The following LINGO2 variants were observed in gnomAD, a reference collection of about 807,000 sequenced individuals.
The protein encoded by LINGO2 is leucine-rich repeat and immunoglobulin-like domain-containing nogo receptor-interacting protein 2.
Under a neutral mutation model 30.6 loss-of-function variants are expected in LINGO2, and 14 were observed. The ratio of observed to expected loss-of-function variants is 0.46; its 90% CI spans 0.30 to 0.72. The LOEUF is 0.72. Ranked by LOEUF, LINGO2 falls within the 30% of genes least tolerant of loss-of-function variation. The probability of loss-of-function intolerance (pLI) is 0.07; values close to 1 mark genes in which losing one functional copy is unlikely to be tolerated. For synonymous variants in LINGO2, 317 were observed against 288.5 expected (o/e 1.10, Z -1.00); for missense variants, 729 against 751.7 (o/e 0.97, Z 0.35).
At chr9:28,133,829 G>A (rs1266312525) in intron 4 of LINGO2, among the ~76,000 whole-genome samples, 1 of 152,074 alleles carries the variant, frequency 6.6e-6, no homozygotes, top group African/African-American at 2.4e-5. Flanking sequence ...CTCCAAATCT[G>A]ATTTCCTCCA....
the LINGO2 span, among the ~76,000 whole-genome samples, chr9:28,966,743 T>C: frequency 6.6e-6 from 1 of 152,230 alleles, no homozygotes; most frequent in East Asian, 1.9e-4. Context: ...ATGTATTCCA[T>C]AAAAGTAATG....
At chr9:28,380,988 G>A (rs1230459350) in intron 2 of LINGO2, among the ~76,000 whole-genome samples, 3 of 152,002 alleles carry the variant, frequency 2.0e-5, no homozygotes, top group Non-Finnish European at 4.4e-5. Flanking sequence ...CAGGTCAGGA[G>A]CTTCCTCTAC....
intron 1 of LINGO2, among the ~76,000 whole-genome samples, chr9:28,610,133 T>G (rs1825855790): frequency 6.6e-6 from 1 of 152,162 alleles, no homozygotes; most frequent in Non-Finnish European, 1.5e-5. Flanking sequence ...TCCAATAGTT[T>G]GAATTTTTTT....
chr9:29,076,410 T>G, the LINGO2 span, among the ~76,000 whole-genome samples: 2 of 151,442 alleles, frequency 1.3e-5, no homozygotes, highest in African/African-American at 2.4e-5. Flanking sequence ...ATAAACTCTC[T>G]TTACCAATAT....
the LINGO2 span, among the ~76,000 whole-genome samples, chr9:28,730,691 G>T: frequency 1.3e-5 from 2 of 152,058 alleles, no homozygotes; most frequent in African/African-American, 2.4e-5. Flanking sequence ...TGTATAAAAA[G>T]AAGTTTTATA....
At chr9:28,869,385 C>T in the LINGO2 span, among the ~76,000 whole-genome samples, 2 of 151,936 alleles carry the variant, frequency 1.3e-5, no homozygotes, top group Middle Eastern at 3.2e-3. Flanking sequence ...CGAAGCCTGA[C>T]TTCTATAGAG....
intron 3 of LINGO2, among the ~76,000 whole-genome samples, chr9:28,307,748 C>A (rs1267299979): frequency 1.3e-5 from 2 of 152,132 alleles, no homozygotes; most frequent in Non-Finnish European, 2.9e-5. Flanking sequence ...GATACAAAAT[C>A]AATGTACAAA....
At chr9:28,494,756 T>C (rs1383539496) in intron 1 of LINGO2, among the ~76,000 whole-genome samples, 2 of 152,218 alleles carry the variant, frequency 1.3e-5, no homozygotes, top group Non-Finnish European at 2.9e-5. Flanking sequence ...CTGGGTCAAA[T>C]AGTATTTCTA....
chr9:28,552,381 T>C (rs1164142002), intron 1 of LINGO2, among the ~76,000 whole-genome samples: 1 of 152,104 alleles, frequency 6.6e-6, no homozygotes, highest in Non-Finnish European at 1.5e-5. Context: ...CTTTGTTGCA[T>C]ACTTAGCCAT....
chr9:28,379,801 T>C (rs1285404202), intron 2 of LINGO2, among the ~76,000 whole-genome samples: 6 of 152,072 alleles, frequency 3.9e-5, no homozygotes, highest in African/African-American at 1.2e-4. Flanking sequence ...GGACACAATC[T>C]GGGAGGAAGG....
chr9:28,686,257 C>T, the LINGO2 span, among the ~76,000 whole-genome samples: 4 of 151,914 alleles, frequency 2.6e-5, no homozygotes, highest in Non-Finnish European at 5.9e-5. Context: ...AATGCAAATG[C>T]TTGACCAGAT....
At chr9:28,662,025 A>G (rs1364094536) in intron 1 of LINGO2, among the ~76,000 whole-genome samples, 1 of 152,210 alleles carries the variant, frequency 6.6e-6, no homozygotes, top group East Asian at 1.9e-4. Flanking sequence ...CTTTCAGAAT[A>G]CTGATTCTCC....
chr9:28,918,043 A>T, the LINGO2 span, among the ~76,000 whole-genome samples: 1 of 152,116 alleles, frequency 6.6e-6, no homozygotes, highest in African/African-American at 2.4e-5. Context: ...ACAGTTTTCC[A>T]GTCATCCCTT....
the LINGO2 span, among the ~76,000 whole-genome samples, chr9:28,890,449 T>C: frequency 6.6e-6 from 1 of 152,052 alleles, no homozygotes; most frequent in Non-Finnish European, 1.5e-5. Flanking sequence ...TGGTATTTAA[T>C]GAGGTGGAAG....
the LINGO2 span, among the ~76,000 whole-genome samples, chr9:28,821,571 T>C: frequency 6.6e-6 from 1 of 152,194 alleles, no homozygotes; most frequent in Non-Finnish European, 1.5e-5. Context: ...AATGCTGCCA[T>C]CAAAACAGAA....
chr9:28,219,353 G>A (rs1201495966), intron 4 of LINGO2, among the ~76,000 whole-genome samples: 1 of 152,052 alleles, frequency 6.6e-6, no homozygotes, highest in Non-Finnish European at 1.5e-5. Flanking sequence ...TTCTTGTTCA[G>A]TTACACTCTT....
chr9:28,946,978 C>T, the LINGO2 span, among the ~76,000 whole-genome samples: 89 of 152,076 alleles, frequency 5.9e-4, no homozygotes, highest in African/African-American at 2.0e-3. Flanking sequence ...ACTGCTGAGT[C>T]CCAGGAACAA....
At chr9:28,066,065 C>T (rs56159441) in intron 4 of LINGO2, among the ~76,000 whole-genome samples, 22,408 of 151,886 alleles carry the variant, frequency 0.15, 1,711 homozygotes, top group Middle Eastern at 0.23. Context: ...AGGGGTGTGT[C>T]CTGTACACGG....
chr9:28,014,907 A>T (rs10115488), intron 4 of LINGO2, among the ~76,000 whole-genome samples: 19,597 of 152,212 alleles, frequency 0.13, 1,371 homozygotes, highest in African/African-American at 0.18. Context: ...GCATAGATTT[A>T]TAAATTCCAT....
Sources: allele counts gnomAD v4.1 joint callset (sites outside exome capture counted in the v4.1 genomes callset), GRCh38; gene constraint gnomAD v4.1.1; transcripts MANE v1.5; gene names NCBI Gene and HGNC (gene_info 2026-07-23, HGNC 2026-07-21).